FUCA1: variants seen among roughly 807,000 people sequenced by gnomAD.
The protein encoded by FUCA1 is tissue alpha-L-fucosidase.
Under a neutral mutation model 56.8 loss-of-function variants are expected in FUCA1, and 52 were observed. The observed-to-expected ratio is 0.92, with a 90% CI of 0.73 to 1.15. The LOEUF is 1.15. FUCA1 is among the 50% of genes most tolerant of loss of function. The pLI is 0.00. For synonymous variants in FUCA1, 230 were observed against 226.6 expected, an observed-to-expected ratio of 1.02 and a Z score of -0.14; for missense variants, 568 against 592.6, an observed-to-expected ratio of 0.96 and a Z score of 0.43.
intron 6 of FUCA1, 100 bp from the exon 7 acceptor site, chr1:23,846,273 T>TTA: frequency 4.9e-6 from 4 of 824,082 alleles, no homozygotes; most frequent in Non-Finnish European, 7.8e-6. Context: ...TTCTTTTCTT[T>TTA]TCTTTTTTTT....
Position 23,852,601 on chromosome 1 carries a change from G to C in FUCA1, c.969+1759C>G, listed in dbSNP as rs150022560. Among the ~76,000 whole-genome samples, 1,066 of 152,168 alleles carry C rather than the reference G, an allele frequency of 7.0e-3. 22 individuals carry two copies. Among genetic ancestry groups the C allele is most frequent in the African/African-American group, 0.024 (1,002 of 41,502 alleles). On this transcript the variant is annotated intron_variant, in intron 5 of 7. Coordinates refer to ENST00000374479, the MANE Select transcript of FUCA1 (RefSeq NM_000147.5). ...CCTGATTCTCCTGCCTCAGCCTGCC[G>C]AGTGCCTGCGATTGCAGGTGCGCGC...
rs1639646617 is a variant in FUCA1 at position 23,867,424 on chromosome 1, CCT to C, written c.389+472_389+473del. ...CAAATACACTGCACACCAGAACTCCCCTCTCTTTCCCTCTTAGAGACATTAGG... is the reference window on the plus strand; with the variant it reads ...CAAATACACTGCACACCAGAACTCCCCTCTTTCCCTCTTAGAGACATTAGG... On this transcript the variant is annotated intron_variant, in intron 1 of 7. Transcript: ENST00000374479. The surrounding 1 kb of genome is among the most constrained non-coding windows in gnomAD (Gnocchi z 4.9). Among the ~76,000 whole-genome samples the C allele has an allele frequency of 6.6e-6, 1 of 152,132 alleles. No homozygotes were observed. Among genetic ancestry groups the C allele is most frequent in the Non-Finnish European group, 1.5e-5 (1 of 68,034 alleles).
chr1:23,852,311 C>T (rs141962529), intron 5 of FUCA1, among the ~76,000 whole-genome samples: 1,601 of 152,096 alleles, frequency 0.011, 26 homozygotes, highest in African/African-American at 0.036. Context: ...GTTCTAGCTA[C>T]TCAGGAGGCT....
In FUCA1 at chr1:23,848,737, C is replaced by A. The variant is rs1639195374; in HGVS notation, c.1072G>T (p.Val358Phe). The change falls in exon 6 of 8, where the codon GTT becomes TTT. Residue 358 changes from valine (V) to phenylalanine (F), a missense_variant. Val to Phe is a conservative substitution (Grantham distance 50, BLOSUM62 -1). Coordinates refer to ENST00000374479, the MANE Select transcript of FUCA1 (RefSeq NM_000147.5). ...CCATTGATGCTCAGCCATTTCCCAA[C>A]AGCAAGAAGCCTTTCTTGGAAGATG... is the stretch of plus-strand genomic sequence containing the variant. ...VPIFQERLLAVGKWLSINGEA... is the reference protein window; with the variant it reads ...VPIFQERLLAFGKWLSINGEA... 1.2e-6 allele frequency: 2 copies of A among 1,614,206 alleles called. No individual in the cohort carries two copies. The highest frequency in any genetic ancestry group is 1.7e-6 in the Non-Finnish European group (2 of 1,180,014).
rs769987268 is a variant in FUCA1, at chr1:23,855,107, C to CAA, written c.769-549_769-548dup. Among the ~76,000 whole-genome samples the CAA allele has an allele frequency of 1.0e-2, 1,301 of 130,234 alleles. 17 individuals are homozygous for CAA. The highest frequency in any genetic ancestry group is 0.036 in the African/African-American group (1,266 of 35,358). 85.4% of individuals were successfully genotyped at this position (130,234 alleles called of 152,430 possible). A position where few individuals can be genotyped will look rare whatever the true frequency, so the allele number is the denominator to read the frequency against. ...AAAAAAGTCTTAAGACAATCCCACTCAAAAAAAAAAAAAATAGCAAATTCT... is the reference window on the plus strand; with the variant it reads ...AAAAAAGTCTTAAGACAATCCCACTCAAAAAAAAAAAAAAAATAGCAAATTCT... On this transcript the variant is annotated intron_variant, in intron 4 of 7. Transcript: ENST00000374479.
chr1:23,868,075 G>A lies in FUCA1; in HGVS notation c.212C>T (p.Ala71Val), dbSNP rs1224396509. The change falls in exon 1 of 8, where the codon GCC (alanine) becomes GTC (valine). Residue 71 changes from alanine to valine, a missense_variant. Transcript: ENST00000374479. ...CCACCAGAACCACTCGCTGCCCCAG[G>A]CGGGCACCGAGAACACGCCCCAGTG... Reference protein sequence around the residue: ...FIHWGVFSVPAWGSEWFWWHW... With the variant: ...FIHWGVFSVPVWGSEWFWWHW... 1.9e-6 allele frequency: 3 copies of A among 1,611,720 alleles called. No individual in the cohort carries two copies. In the Admixed American group the frequency reaches 5.0e-5, roughly 27 times the overall value.
chr1:23,850,628 C>T (rs999901024), intron 5 of FUCA1, among the ~76,000 whole-genome samples: 2 of 152,054 alleles, frequency 1.3e-5, no homozygotes, highest in East Asian at 1.9e-4. Flanking sequence ...GGATTATAGG[C>T]ATGTGCCACC....
intron 6 of FUCA1, among the ~76,000 whole-genome samples, chr1:23,847,654 A>C (rs1056981527): frequency 6.6e-6 from 1 of 152,192 alleles, no homozygotes; most frequent in Non-Finnish European, 1.5e-5. Flanking sequence ...GGCCCTTACC[A>C]GATGCTGGTG....
chr1:23,864,943 T>A (rs1639593537), intron 2 of FUCA1, among the ~76,000 whole-genome samples: 1 of 152,052 alleles, frequency 6.6e-6, no homozygotes, highest in Non-Finnish European at 1.5e-5. Context: ...GACCTCATGA[T>A]CTGCTTGCCT....
intron 5 of FUCA1, among the ~76,000 whole-genome samples, chr1:23,852,940 G>A (rs1179509108): frequency 3.6e-5 from 5 of 139,830 alleles, no homozygotes; most frequent in East Asian, 2.3e-4. Flanking sequence ...GCCGCCCATC[G>A]TCTGGGACGT....
At chr1:23,848,611 C>G in intron 6 of FUCA1, 38 bp downstream of exon 6, 2 of 1,599,094 alleles carry the variant, frequency 1.3e-6, no homozygotes, top group Non-Finnish European at 1.7e-6. Flanking sequence ...GGATGGGGCA[C>G]TGTTCTGTTC....
At chr1:23,865,429 G>C in intron 2 of FUCA1, 62 bp downstream of exon 2, 1 of 1,606,662 alleles carries the variant, frequency 6.2e-7, no homozygotes, top group Non-Finnish European at 8.5e-7. Context: ...AGTAGAGGAG[G>C]TACAGAACTC....
chr1:23,853,471 C>G (rs1639319492), intron 5 of FUCA1, among the ~76,000 whole-genome samples: 1 of 150,924 alleles, frequency 6.6e-6, no homozygotes, highest in Non-Finnish European at 1.5e-5. Flanking sequence ...AGCCAGCCGC[C>G]CGGTCCGGGA....
rs1194932585 is a variant in FUCA1, at chr1:23,867,968, C to T, written c.319G>A (p.Gly107Arg). 2 of 1,591,392 alleles carry T rather than the reference C, an allele frequency of 1.3e-6. No individual in the cohort carries two copies. The highest frequency in any genetic ancestry group is 1.8e-5 in the Admixed American group (1 of 55,696). Residue 107 changes from glycine (G) to arginine (R), a missense_variant, in exon 1 of 8, where the codon GGA (glycine) becomes AGA (arginine). Physicochemically the swap from Gly to Arg is moderately radical, Grantham distance 125. Transcript: ENST00000374479. The surrounding 1 kb of genome is among the most constrained non-coding windows in gnomAD (Gnocchi z 4.9). Reference sequence around the variant, plus strand: ...AAGAAGCGCGCAGTGAACTGCGGTCCGAAGTCGGCGTAGCTGAAGCCGGGC... The same window carrying T: ...AAGAAGCGCGCAGTGAACTGCGGTCTGAAGTCGGCGTAGCTGAAGCCGGGC... ...YPPGFSYADFGPQFTARFFHP... is the reference protein window; with the variant it reads ...YPPGFSYADFRPQFTARFFHP...
At chr1:23,864,706 C>CTTTTT (rs563678936) in intron 2 of FUCA1, among the ~76,000 whole-genome samples, 1 of 138,542 alleles carries the variant, frequency 7.2e-6, no homozygotes, top group East Asian at 2.1e-4. Context: ...TGTCTTTTTT[C>CTTTTT]TTTTTTTTTT....
At position 23,867,672 on chromosome 1, in the gene FUCA1, C is replaced by A; in HGVS notation, c.389+226G>T. On this transcript the variant is annotated intron_variant, in intron 1 of 7. Transcript: ENST00000374479. The surrounding 1 kb of genome is among the most constrained non-coding windows in gnomAD (Gnocchi z 4.9). ...CACAGGTGCAGATACCCAGGGCTTC[C>A]CAGCCTGCCATCTCCCTGAACCTTC... The A allele has an allele frequency of 1.0e-6, 1 of 972,284 alleles. No homozygotes were observed. Among genetic ancestry groups the A allele is most frequent in the Non-Finnish European group, 1.2e-6 (1 of 818,064 alleles). 60.2% of individuals were successfully genotyped at this position (972,284 alleles called of 1,614,324 possible).
At chr1:23,865,735 ATGTACT>A in intron 1 of FUCA1, 110 bp from the exon 2 acceptor site, 2 of 1,190,508 alleles carry the variant, frequency 1.7e-6, no homozygotes, top group Non-Finnish European at 1.3e-6. Context: ...ACCACAACAA[ATGTACT>A]TGTACCAGTG....
chr1:23,859,499 G>T lies in FUCA1; in HGVS notation c.768+299C>A, dbSNP rs538276881. On this transcript the variant is annotated intron_variant, in intron 4 of 7. Coordinates refer to ENST00000374479, the MANE Select transcript of FUCA1 (RefSeq NM_000147.5). ...GAGAATCACTTGAACTCGGGAGACA[G>T]AGGTTGCAGTGAGCGGAGATCGCAC... Among the ~76,000 whole-genome samples, 16 of 151,770 alleles carry T rather than the reference G, an allele frequency of 1.1e-4. No individual in the cohort carries two copies. In the East Asian group the frequency reaches 3.1e-3, roughly 30 times the overall value.
At chr1:23,858,811 G>A (rs559648651) in intron 4 of FUCA1, among the ~76,000 whole-genome samples, 25 of 152,178 alleles carry the variant, frequency 1.6e-4, no homozygotes, top group Non-Finnish European at 3.1e-4. Flanking sequence ...ACAATGGCGT[G>A]ATCTAGGTTC....
Sources: gnomAD v4.1 joint callset for allele counts (sites outside exome capture counted in the v4.1 genomes callset) on GRCh38, gnomAD v4.1.1 for gene constraint, Gnocchi (gnomAD v3.1) non-coding constraint, MANE v1.5 for transcripts, NCBI Gene and HGNC (gene_info 2026-07-23, HGNC 2026-07-21) for gene names.